SETBP1: variants seen among roughly 807,000 people sequenced by gnomAD.
SETBP1 encodes SET-binding protein.
In SETBP1, 9 loss-of-function variants were observed where a neutral mutation model predicts 101.0. The ratio of observed to expected loss-of-function variants is 0.09; its 90% confidence interval spans 0.05 to 0.16. The LOEUF (loss-of-function observed/expected upper bound fraction) is 0.16. Among genes scored for constraint, SETBP1 ranks in the 10% least tolerant of loss-of-function variants. The probability of loss-of-function intolerance (pLI) is 1.00; values close to 1 mark genes in which losing one functional copy is unlikely to be tolerated. For synonymous variants in SETBP1, 818 were observed against 788.5 expected, an observed-to-expected ratio of 1.04 and a Z score of -0.63; for missense variants, 1,858 against 2,033.8, an observed-to-expected ratio of 0.91 and a Z score of 1.66.
At chr18:45,033,390 GT>G (rs1333409398) in intron 4 of SETBP1, among the ~76,000 whole-genome samples, 1 of 152,202 alleles carries the variant, frequency 6.6e-6, no homozygotes, top group African/African-American at 2.4e-5. Context: ...TAAATTAGGA[GT>G]TTTACCATTT....
At chr18:45,015,594 T>A (rs1413793786) in intron 4 of SETBP1, among the ~76,000 whole-genome samples, 2 of 152,198 alleles carry the variant, frequency 1.3e-5, no homozygotes, top group African/African-American at 4.8e-5. Context: ...CAGAGGGTTT[T>A]TAGAGATGTC....
rs1016052403 is a variant in SETBP1 at position 45,068,324 on chromosome 18, T to A, written c.*4626T>A. The A allele has an allele frequency of 2.0e-5, 3 of 152,166 alleles. No homozygotes were observed. Among genetic ancestry groups the A allele is most frequent in the Non-Finnish European group, 4.4e-5 (3 of 68,028 alleles). The allele number at this position is 152,166 out of a possible 1,614,324, so 9.4% of individuals were successfully genotyped here. ...GAGGCGTAGATACATCTAGCATGCT[T>A]ACTGTCATGCTCCTCCATGGTCTTA... is the stretch of plus-strand genomic sequence containing the variant. On this transcript the variant is annotated 3_prime_UTR_variant, in exon 6 of 6. Transcript: ENST00000649279.
At chr18:44,683,090 C>T (rs2068786777) in intron 1 of SETBP1, among the ~76,000 whole-genome samples, 1 of 152,126 alleles carries the variant, frequency 6.6e-6, no homozygotes, top group African/African-American at 2.4e-5. Context: ...GGGGCCACTT[C>T]TAGCTTGGGA....
chr18:44,958,767 T>A (rs2071547720), intron 4 of SETBP1, among the ~76,000 whole-genome samples: 1 of 152,310 alleles, frequency 6.6e-6, no homozygotes, highest in African/African-American at 2.4e-5. Context: ...AAGCATCTCT[T>A]TGACAATCAT....
At chr18:44,926,066 A>G (rs899788721) in intron 3 of SETBP1, among the ~76,000 whole-genome samples, 3 of 152,104 alleles carry the variant, frequency 2.0e-5, no homozygotes, top group African/African-American at 7.2e-5. Flanking sequence ...ATTACATTTT[A>G]TTTATTTTTA....
chr18:44,707,484 T>C (rs537964410), intron 2 of SETBP1, among the ~76,000 whole-genome samples: 11 of 152,362 alleles, frequency 7.2e-5, no homozygotes, highest in Non-Finnish European at 1.0e-4. Context: ...TTCCTCCTGT[T>C]GCAAGGACTT....
At chr18:44,788,750 CT>C (rs1224476085) in intron 2 of SETBP1, among the ~76,000 whole-genome samples, 1 of 150,176 alleles carries the variant, frequency 6.7e-6, no homozygotes, top group Non-Finnish European at 1.5e-5. Context: ...GTAAGAACAA[CT>C]CCCCACTCAG....
chr18:44,995,051 G>T (rs1166302969), intron 4 of SETBP1, among the ~76,000 whole-genome samples: 1 of 151,572 alleles, frequency 6.6e-6, no homozygotes, highest in Non-Finnish European at 1.5e-5. Context: ...CATGTTGGGA[G>T]TAACACACAT....
intron 2 of SETBP1, among the ~76,000 whole-genome samples, chr18:44,759,619 G>A (rs570718558): frequency 6.6e-6 from 1 of 152,276 alleles, no homozygotes; most frequent in South Asian, 2.1e-4. Flanking sequence ...GGGGAGAGAA[G>A]CTTTATAATT....
At chr18:45,052,578 T>A (rs2073739871) in intron 5 of SETBP1, among the ~76,000 whole-genome samples, 1 of 152,190 alleles carries the variant, frequency 6.6e-6, no homozygotes, top group Non-Finnish European at 1.5e-5. Context: ...ATATCCTCTC[T>A]GACACTTACA....
intron 2 of SETBP1, among the ~76,000 whole-genome samples, chr18:44,855,943 C>T (rs558932175): frequency 6.6e-5 from 10 of 152,196 alleles, no homozygotes; most frequent in Middle Eastern, 3.4e-3. Context: ...CAGGCTGTAG[C>T]GTGTGCCTAC....
intron 3 of SETBP1, among the ~76,000 whole-genome samples, chr18:44,887,198 G>A (rs1374634145): frequency 2.0e-5 from 3 of 152,264 alleles, no homozygotes; most frequent in Admixed American, 1.3e-4. Context: ...TCAATGTAAA[G>A]TGCATGATAC....
At position 44,819,526 on chromosome 18, in the gene SETBP1, C is replaced by T. The variant is rs1405019702; in HGVS notation, c.487-49704C>T. On this transcript the variant is annotated intron_variant, in intron 2 of 5. Transcript: ENST00000649279. ...TCTCTCACTTAATCTTCGTAAGATC[C>T]GAAGTGGTGGCAGAGGGTACCCCTG... Among the ~76,000 whole-genome samples the T allele has an allele frequency of 2.6e-5, 4 of 152,202 alleles. No individual in the cohort carries two copies. The East Asian group carries it at 7.7e-4, about 29-fold the overall frequency.
chr18:44,744,908 C>T (rs774719787), intron 2 of SETBP1, among the ~76,000 whole-genome samples: 1 of 152,032 alleles, frequency 6.6e-6, no homozygotes, highest in Non-Finnish European at 1.5e-5. Flanking sequence ...TCCAGGGTGG[C>T]GGGATGTCGG....
chr18:44,895,569 A>G (rs1334838890), intron 3 of SETBP1, among the ~76,000 whole-genome samples: 1 of 152,116 alleles, frequency 6.6e-6, no homozygotes, highest in Admixed American at 6.5e-5. Context: ...TGCTGAACGT[A>G]CCATAGCAAG....
At chr18:44,923,346 C>G (rs936841718) in intron 3 of SETBP1, among the ~76,000 whole-genome samples, 1 of 152,168 alleles carries the variant, frequency 6.6e-6, no homozygotes, top group African/African-American at 2.4e-5. Context: ...AGGCAGGGGA[C>G]AGAATTTCCA....
At chr18:44,942,868 A>G (rs1289903579) in intron 3 of SETBP1, among the ~76,000 whole-genome samples, 1 of 152,186 alleles carries the variant, frequency 6.6e-6, no homozygotes, top group Non-Finnish European at 1.5e-5. Flanking sequence ...GTGCTCTAGT[A>G]TCATCCACGG....
At chr18:44,853,913 A>G (rs2072920778) in intron 2 of SETBP1, among the ~76,000 whole-genome samples, 1 of 152,028 alleles carries the variant, frequency 6.6e-6, no homozygotes, top group Non-Finnish European at 1.5e-5. Context: ...CCTTTGGGGG[A>G]TGGCTTTATT....
At chr18:44,703,327 T>C (rs184805156) in intron 2 of SETBP1, among the ~76,000 whole-genome samples, 17 of 148,648 alleles carry the variant, frequency 1.1e-4, no homozygotes, top group African/African-American at 4.0e-4. Context: ...AGATATTCCA[T>C]AGCATTTCTG....
Sources: allele counts gnomAD v4.1 joint callset (sites outside exome capture counted in the v4.1 genomes callset), GRCh38; gene constraint gnomAD v4.1.1; transcripts MANE v1.5; gene names NCBI Gene and HGNC (gene_info 2026-07-23, HGNC 2026-07-21).